Variants in SLC44A1 observed in about 807,000 individuals in gnomAD.
The protein encoded by SLC44A1 is choline transporter-like protein 1.
Under a neutral mutation model 79.3 loss-of-function variants are expected in SLC44A1, and 26 were observed. That is an observed-to-expected ratio of 0.33 (90% confidence interval 0.24 to 0.46). The LOEUF is 0.46. Ranked by LOEUF, SLC44A1 falls within the 20% of genes least tolerant of loss-of-function variation. The pLI, the probability that SLC44A1 is intolerant of heterozygous loss-of-function variation, is 1.00. For missense variants in SLC44A1, 688 were observed against 798.1 expected (o/e 0.86, Z 1.66); for synonymous variants, 263 against 286.2 (o/e 0.92, Z 0.82).
chr9:105,395,319 A>G lies in SLC44A1; in HGVS notation c.*6263A>G. ...CTGCAACCTCCACCTCCCAGGTTCA[A>G]GTGATTCTCCTGCATCAGCCTCCTG... On this transcript the variant is annotated 3_prime_UTR_variant, in exon 16 of 16. Coordinates refer to ENST00000374720, the MANE Select transcript of SLC44A1 (RefSeq NM_080546.5). The G allele has an allele frequency of 2.2e-6, 1 of 458,994 alleles. No homozygotes were observed. Among genetic ancestry groups the G allele is most frequent in the Middle Eastern group, 1.2e-3 (1 of 868 alleles). 28.4% of individuals were successfully genotyped at this position (458,994 alleles called of 1,614,324 possible). A position where few individuals can be genotyped will look rare whatever the true frequency, so the allele number is the denominator to read the frequency against.
chr9:105,400,134 G>C (rs550046806), downstream of SLC44A1, among the ~76,000 whole-genome samples: 122 of 152,146 alleles, frequency 8.0e-4, 2 homozygotes, highest in Middle Eastern at 0.014. Context: ...GGCATACGTT[G>C]CGGTGAGCCG....
intron 2 of SLC44A1, among the ~76,000 whole-genome samples, chr9:105,307,215 A>G (rs906029543): frequency 6.6e-6 from 1 of 152,216 alleles, no homozygotes; most frequent in African/African-American, 2.4e-5. Context: ...ATTAGAGATG[A>G]GGAGGGAACA....
downstream of SLC44A1, among the ~76,000 whole-genome samples, chr9:105,398,232 A>G (rs531233921): frequency 6.6e-6 from 1 of 152,334 alleles, no homozygotes; most frequent in Admixed American, 6.5e-5. Flanking sequence ...CTTTTGGAAT[A>G]CCGTAAACCT....
chr9:105,419,529 C>T (rs1180259766), intron 15 of SLC44A1, among the ~76,000 whole-genome samples: 4 of 152,096 alleles, frequency 2.6e-5, no homozygotes, highest in African/African-American at 9.7e-5. Context: ...TTTGGAACTC[C>T]CAACTTACAG....
Position 105,362,802 on chromosome 9 carries a change from A to G in SLC44A1, c.901-19A>G. 8 of 1,518,050 alleles carry G rather than the reference A, an allele frequency of 5.3e-6. No individual in the cohort carries two copies. Among genetic ancestry groups the G allele is most frequent in the Non-Finnish European group, 7.1e-6 (8 of 1,133,072 alleles). 94.0% of individuals were successfully genotyped at this position (1,518,050 alleles called of 1,614,324 possible). On this transcript the variant is annotated intron_variant, in intron 8 of 15. Transcript: ENST00000374720. Reference sequence around the variant, plus strand: ...TTTCACTACTTATAATAATAACTGAAACCATTCTCTCCATACAGGTGATCT... The same window carrying G: ...TTTCACTACTTATAATAATAACTGAGACCATTCTCTCCATACAGGTGATCT...
chr9:105,394,564 A>G lies in SLC44A1; in HGVS notation c.*5508A>G, dbSNP rs1828838668. On this transcript the variant is annotated 3_prime_UTR_variant, in exon 16 of 16. Coordinates refer to ENST00000374720, the MANE Select transcript of SLC44A1 (RefSeq NM_080546.5). ...AATAGGGAATCCTTGTAATTAATCC[A>G]TCTACCAAAACACTTGATTCTTTTT... The G allele has an allele frequency of 2.0e-6, 2 of 985,154 alleles. No homozygotes were observed. Among genetic ancestry groups the G allele is most frequent in the Non-Finnish European group, 1.2e-6 (1 of 829,892 alleles). 61.0% of individuals were successfully genotyped at this position (985,154 alleles called of 1,614,324 possible). A position where few individuals can be genotyped will look rare whatever the true frequency, so the allele number is the denominator to read the frequency against.
chr9:105,431,937 C>T (rs12346497), intron 15 of SLC44A1, among the ~76,000 whole-genome samples: 6,246 of 152,134 alleles, frequency 0.041, 410 homozygotes, highest in African/African-American at 0.14. Context: ...TTTATTTATT[C>T]ATTGAGACAG....
At chr9:105,402,588 C>T (rs1828971821) in intron 15 of SLC44A1, among the ~76,000 whole-genome samples, 1 of 152,130 alleles carries the variant, frequency 6.6e-6, no homozygotes, top group Non-Finnish European at 1.5e-5. Context: ...AAATATTTAT[C>T]TGTGCCAGCA....
intron 13 of SLC44A1, among the ~76,000 whole-genome samples, chr9:105,380,604 A>G (rs1012131829): frequency 6.6e-6 from 1 of 152,052 alleles, no homozygotes; most frequent in South Asian, 2.1e-4. Flanking sequence ...TTATATATAT[A>G]TAGCTGTTAC....
intron 3 of SLC44A1, among the ~76,000 whole-genome samples, chr9:105,334,949 G>A (rs914994236): frequency 3.9e-5 from 6 of 151,932 alleles, no homozygotes; most frequent in Admixed American, 1.3e-4. Flanking sequence ...CTAAAGATGC[G>A]GATTCTGAAA....
chr9:105,276,134 G>A (rs369430388), intron 1 of SLC44A1, among the ~76,000 whole-genome samples: 28 of 152,238 alleles, frequency 1.8e-4, no homozygotes, highest in African/African-American at 3.4e-4. Flanking sequence ...TCACCAGGGC[G>A]TCTGACAAGT....
At chr9:105,254,643 C>T (rs1168752485) in intron 1 of SLC44A1, among the ~76,000 whole-genome samples, 1 of 152,218 alleles carries the variant, frequency 6.6e-6, no homozygotes, top group Non-Finnish European at 1.5e-5. Context: ...TTCAAAGTCA[C>T]ACAGTTAGTT....
chr9:105,302,145 G>A (rs1415058856), intron 2 of SLC44A1, among the ~76,000 whole-genome samples: 5 of 152,064 alleles, frequency 3.3e-5, no homozygotes, highest in Non-Finnish European at 7.4e-5. Context: ...GTTGCTGTCA[G>A]CCTTCTTAAG....
intron 1 of SLC44A1, among the ~76,000 whole-genome samples, chr9:105,252,354 AT>A (rs1164982161): frequency 6.6e-6 from 1 of 152,204 alleles, no homozygotes; most frequent in African/African-American, 2.4e-5. Context: ...CTCATGAAAT[AT>A]TTGAATGAAT....
chr9:105,295,859 G>T (rs551520556), intron 1 of SLC44A1, among the ~76,000 whole-genome samples: 17 of 152,234 alleles, frequency 1.1e-4, no homozygotes, highest in Non-Finnish European at 2.4e-4. Flanking sequence ...AAATAGAGAC[G>T]ATACCTACAT....
intron 1 of SLC44A1, among the ~76,000 whole-genome samples, chr9:105,265,316 C>G (rs1829936329): frequency 6.6e-6 from 1 of 152,192 alleles, no homozygotes; most frequent in Admixed American, 6.5e-5. Context: ...GATCACTCCT[C>G]TACCCTTGGC....
At chr9:105,428,021 T>G (rs1829345053) in intron 15 of SLC44A1, among the ~76,000 whole-genome samples, 1 of 152,212 alleles carries the variant, frequency 6.6e-6, no homozygotes, top group African/African-American at 2.4e-5. Flanking sequence ...TAAAAGATTT[T>G]TATGTATTAG....
At chr9:105,416,709 G>A (rs1306585579) in intron 15 of SLC44A1, among the ~76,000 whole-genome samples, 1 of 152,196 alleles carries the variant, frequency 6.6e-6, no homozygotes, top group Non-Finnish European at 1.5e-5. Context: ...TAAGAGATGA[G>A]GCCAAGGAGT....
At chr9:105,333,525 G>A (rs1354886073) in intron 3 of SLC44A1, among the ~76,000 whole-genome samples, 1 of 152,142 alleles carries the variant, frequency 6.6e-6, no homozygotes, top group East Asian at 1.9e-4. Flanking sequence ...AGTATTATTA[G>A]GCCAGGCACA....
Sources: allele counts gnomAD v4.1 joint callset (sites outside exome capture counted in the v4.1 genomes callset), GRCh38; gene constraint gnomAD v4.1.1; transcripts MANE v1.5; gene names NCBI Gene and HGNC (gene_info 2026-07-23, HGNC 2026-07-21).